SARDH: variants seen among roughly 807,000 people sequenced by gnomAD.
The protein encoded by SARDH is sarcosine dehydrogenase.
A neutral mutation model predicts 109.1 loss-of-function variants in SARDH; 95 were observed. The observed-to-expected ratio is 0.87, with a 90% confidence interval of 0.74 to 1.03. The LOEUF (loss-of-function observed/expected upper bound fraction) is 1.03, where lower values mean the gene tolerates loss of function less well. Ranked by LOEUF, SARDH falls within the 50% of genes least tolerant of loss-of-function variation. The pLI is 0.00. For synonymous variants in SARDH, 572 were observed against 534.8 expected, an observed-to-expected ratio of 1.07 and a Z score of -0.96; for missense variants, 1,267 against 1,287.8, an observed-to-expected ratio of 0.98 and a Z score of 0.25.
intron 16 of SARDH, 144 bp from the exon 17 acceptor site, chr9:133,685,430 A>T: frequency 1.6e-6 from 1 of 627,864 alleles, no homozygotes; most frequent in Non-Finnish European, 2.7e-6. Context: ...ATAAAAATAC[A>T]CCAAGACAGA....
At chr9:133,733,191 C>T (rs1832747125) in intron 2 of SARDH, among the ~76,000 whole-genome samples, 1 of 152,190 alleles carries the variant, frequency 6.6e-6, no homozygotes, top group Non-Finnish European at 1.5e-5. Flanking sequence ...CTCGCATCAG[C>T]TCTCAGGAGC....
chr9:133,689,400 C>T (rs1288049938), intron 16 of SARDH, among the ~76,000 whole-genome samples: 1 of 152,006 alleles, frequency 6.6e-6, no homozygotes, highest in African/African-American at 2.4e-5. Context: ...GTGTCCTGGC[C>T]CCTTAGCCTG....
intron 1 of SARDH, among the ~76,000 whole-genome samples, chr9:133,736,554 C>G (rs1832893243): frequency 6.6e-6 from 1 of 152,170 alleles, no homozygotes; most frequent in Admixed American, 6.5e-5. Flanking sequence ...TGCCACCATG[C>G]CTGGCTAATT....
chr9:133,660,295 T>C (rs1335734749), downstream of SARDH, among the ~76,000 whole-genome samples: 1 of 152,078 alleles, frequency 6.6e-6, no homozygotes, highest in Non-Finnish European at 1.5e-5. Flanking sequence ...AGGAGGAAAC[T>C]GAGGCTCAGA....
intron 19 of SARDH, among the ~76,000 whole-genome samples, chr9:133,669,961 G>A (rs1032588688): frequency 6.6e-6 from 1 of 152,232 alleles, no homozygotes; most frequent in Non-Finnish European, 1.5e-5. Context: ...TGGGAAGAGT[G>A]TGGAGCCTTC....
At chr9:133,676,250 G>A (rs537396709) in intron 17 of SARDH, among the ~76,000 whole-genome samples, 9 of 152,282 alleles carry the variant, frequency 5.9e-5, no homozygotes, top group African/African-American at 1.2e-4. Context: ...TAAGTGAAGG[G>A]AGCCAGTCAC....
At chr9:133,681,701 C>G (rs1454399748) in intron 17 of SARDH, among the ~76,000 whole-genome samples, 2 of 152,224 alleles carry the variant, frequency 1.3e-5, no homozygotes, top group Non-Finnish European at 2.9e-5. Flanking sequence ...TTTAGTAAAA[C>G]ACTAGTGCTT....
chr9:133,712,785 C>T lies in SARDH; in HGVS notation c.1238-76G>A. 1 of 1,380,056 alleles carries T rather than the reference C, an allele frequency of 7.2e-7. No homozygotes were observed. The highest frequency in any genetic ancestry group is 1.0e-6 in the Non-Finnish European group (1 of 988,864). 85.5% of individuals were successfully genotyped at this position (1,380,056 alleles called of 1,614,324 possible). A position where few individuals can be genotyped will look rare whatever the true frequency, so the allele number is the denominator to read the frequency against. On this transcript the variant is annotated intron_variant, in intron 9 of 20. Coordinates refer to ENST00000439388, the MANE Select transcript of SARDH (RefSeq NM_001134707.2). The surrounding 1 kb of genome is among the most constrained non-coding windows in gnomAD (Gnocchi z 4.1). ...CCCATGTCCAAACATGTGCCCCCAT[C>T]TCCACGGACAGCACAGACACTCCAA...
At chr9:133,667,328 G>C (rs1830111902) in intron 19 of SARDH, among the ~76,000 whole-genome samples, 3 of 151,118 alleles carry the variant, frequency 2.0e-5, no homozygotes, top group South Asian at 2.1e-4. Context: ...CACCATGCCC[G>C]GCTAATTTTG....
rs1831950521 is a variant in SARDH at position 133,712,263 on chromosome 9, A to G, written c.1328+356T>C. 2.0e-5 allele frequency among the ~76,000 whole-genome samples: 3 copies of G among 152,078 alleles called. No homozygotes were observed. Among genetic ancestry groups the G allele is most frequent in the Admixed American group, 2.0e-4 (3 of 15,284 alleles). On this transcript the variant is annotated intron_variant, in intron 10 of 20. Coordinates refer to ENST00000439388, the MANE Select transcript of SARDH (RefSeq NM_001134707.2). This position sits in a 1 kb window ranked among gnomAD's most constrained non-coding sequence, Gnocchi z 4.1. ...TGCCTGGCTGCAAGCCGCGGCATAC[A>G]CACTCAGCACAGTTTTCCCAGCTCA... is the stretch of plus-strand genomic sequence containing the variant.
chr9:133,734,513 G>A (rs1832816361), intron 1 of SARDH, among the ~76,000 whole-genome samples: 1 of 152,198 alleles, frequency 6.6e-6, no homozygotes, highest in Admixed American at 6.5e-5. Context: ...CTGGTATGCA[G>A]CAGGCTCTGT....
intron 17 of SARDH, among the ~76,000 whole-genome samples, chr9:133,680,019 C>T (rs968300869): frequency 5.3e-5 from 8 of 152,190 alleles, no homozygotes; most frequent in Admixed American, 5.2e-4. Flanking sequence ...TGGCTCAGGC[C>T]CACGCTCCAG....
In SARDH at chr9:133,734,408, CTCAT is replaced by C. The variant is rs796631133; in HGVS notation, c.-30-209_-30-206del. Among the ~76,000 whole-genome samples the C allele has an allele frequency of 2.2e-3, 245 of 110,468 alleles. 2 individuals carry two copies. Among genetic ancestry groups the C allele is most frequent in the African/African-American group, 0.011 (227 of 21,590 alleles). The allele number at this position is 110,468 out of a possible 152,430, so 72.5% of individuals were successfully genotyped here. On this transcript the variant is annotated intron_variant, in intron 1 of 20. Coordinates refer to ENST00000439388, the MANE Select transcript of SARDH (RefSeq NM_001134707.2). ...ATTCATTCATTCACTCATTCATTCACTCATTCATTCATTCATTCACTCATTCATT... is the reference window on the plus strand; with the variant it reads ...ATTCATTCATTCACTCATTCATTCACTCATTCATTCATTCACTCATTCATT...
chr9:133,676,032 A>G (rs2131345563), intron 17 of SARDH, among the ~76,000 whole-genome samples: 1 of 152,210 alleles, frequency 6.6e-6, no homozygotes, highest in Middle Eastern at 3.4e-3. Flanking sequence ...AGGTTGAGGC[A>G]GTGAGCTGAG....
Position 133,718,347 on chromosome 9 carries a change from C to T in SARDH, c.1020+591G>A. On this transcript the variant is annotated intron_variant, in intron 7 of 20. Coordinates refer to ENST00000439388, the MANE Select transcript of SARDH (RefSeq NM_001134707.2). This position sits in a 1 kb window ranked among gnomAD's most constrained non-coding sequence, Gnocchi z 4.2. ...TCAGCCTCCCAAAGTGCTGGGATTA[C>T]AGGTGTGAGCCACCGTGCCCAGCCA... 4.4e-6 allele frequency: 1 copy of T among 227,594 alleles called. No individual in the cohort carries two copies. The highest frequency in any genetic ancestry group is 8.7e-6 in the Non-Finnish European group (1 of 114,474). 14.1% of individuals were successfully genotyped at this position (227,594 alleles called of 1,614,324 possible).
rs71503358 is a variant in SARDH, at chr9:133,730,470, TAAAAA to T, written c.691-288_691-284del. Among the ~76,000 whole-genome samples, 11 of 147,264 alleles carry T rather than the reference TAAAAA, an allele frequency of 7.5e-5. No homozygotes were observed. The East Asian group carries it at 8.0e-4, about 11-fold the overall frequency. Reference sequence around the variant, plus strand: ...CGTGAAAAAGTAGCTGACTTTTTTTTAAAAAAAAAAAGCAAGATATTTGATTAACA... The same window carrying T: ...CGTGAAAAAGTAGCTGACTTTTTTTTAAAAAAGCAAGATATTTGATTAACA... On this transcript the variant is annotated intron_variant, in intron 4 of 20. Transcript: ENST00000439388.
chr9:133,662,669 T>G (rs1588359470), downstream of SARDH, among the ~76,000 whole-genome samples: 1 of 152,186 alleles, frequency 6.6e-6, no homozygotes, highest in Non-Finnish European at 1.5e-5. The surrounding 1 kb of genome is among the most constrained non-coding windows in gnomAD (Gnocchi z 5.1). Context: ...CCTGGGAGCG[T>G]CCAGTGGCAG....
At chr9:133,724,520 G>T (rs192815686) in intron 6 of SARDH, among the ~76,000 whole-genome samples, 163 of 152,290 alleles carry the variant, frequency 1.1e-3, no homozygotes, top group Non-Finnish European at 1.8e-3. Context: ...ACAAGACTTG[G>T]TGAGGATGGA....
chr9:133,696,185 A>G, intron 14 of SARDH, 38 bp downstream of exon 14: 1 of 1,610,022 alleles, frequency 6.2e-7, no homozygotes, highest in Non-Finnish European at 8.5e-7. Context: ...GTGCCCATGG[A>G]GTGACAGGAA....
Sources: allele counts gnomAD v4.1 joint callset (sites outside exome capture counted in the v4.1 genomes callset), GRCh38; gene constraint gnomAD v4.1.1; non-coding constraint Gnocchi (gnomAD v3.1); transcripts MANE v1.5; gene names NCBI Gene and HGNC (gene_info 2026-07-23, HGNC 2026-07-21).